The following NEB variants were observed in gnomAD, a reference collection of about 807,000 sequenced individuals.
NEB encodes nebulin.
Under a neutral mutation model 952.2 loss-of-function variants are expected in NEB, and 512 were observed. The observed-to-expected ratio is 0.54, with a 90% confidence interval of 0.50 to 0.58. The LOEUF (loss-of-function observed/expected upper bound fraction) is 0.58. Ranked by LOEUF, NEB falls within the 20% of genes least tolerant of loss-of-function variation. The pLI is 0.00. For missense variants in NEB, 8,428 were observed against 9,231.1 expected, an observed-to-expected ratio of 0.91 and a Z score of 3.56; for synonymous variants, 2,900 against 3,149.8, an observed-to-expected ratio of 0.92 and a Z score of 2.66.
intron 84 of NEB, among the ~76,000 whole-genome samples, chr2:151,605,726 A>G (rs143625642): frequency 0.011 from 1,015 of 88,820 alleles, 198 homozygotes; most frequent in African/African-American, 0.029. Flanking sequence ...AGAGAAGAAC[A>G]CAGAGAAAGG....
At chr2:151,667,281 A>G (rs1053029350) in intron 40 of NEB, among the ~76,000 whole-genome samples, 2 of 151,924 alleles carry the variant, frequency 1.3e-5, no homozygotes, top group South Asian at 2.1e-4. Flanking sequence ...GACTTTTTTC[A>G]TGACAAAATC....
rs772377003 is a variant in NEB at position 151,568,731 on chromosome 2, G to C, written c.17536-15C>G. ...CGATATTTTTTCTATGGGAAAGAAA[G>C]CATCTTTTAGATAGTTGTAATTCCT... is the stretch of plus-strand genomic sequence containing the variant. On this transcript the variant is annotated splice_polypyrimidine_tract_variant and intron_variant, in intron 110 of 181. Transcript: ENST00000397345. The C allele has an allele frequency of 6.5e-7, 1 of 1,531,304 alleles. No homozygotes were observed. The highest frequency in any genetic ancestry group is 2.3e-5 in the East Asian group (1 of 43,006). The allele number at this position is 1,531,304 out of a possible 1,614,324, so 94.9% of individuals were successfully genotyped here. A position where few individuals can be genotyped will look rare whatever the true frequency, so the allele number is the denominator to read the frequency against.
intron 156 of NEB, among the ~76,000 whole-genome samples, chr2:151,517,962 C>T (rs897814866): frequency 6.6e-6 from 1 of 152,102 alleles, no homozygotes; most frequent in Admixed American, 6.5e-5. Context: ...GATCGTATCA[C>T]TTCTCTGTTT....
At chr2:151,532,839 C>A (rs989323295) in intron 143 of NEB, among the ~76,000 whole-genome samples, 8 of 152,036 alleles carry the variant, frequency 5.3e-5, no homozygotes, top group African/African-American at 1.9e-4. Context: ...TCAAATTTAC[C>A]TTTCAGCATG....
At position 151,541,549 on chromosome 2, in the gene NEB, C is replaced by T. The variant is rs1417024507; in HGVS notation, c.20580G>A (p.Leu6860=). The T allele has an allele frequency of 6.2e-7, 1 of 1,612,144 alleles. No homozygotes were observed. The highest frequency in any genetic ancestry group is 8.5e-7 in the Non-Finnish European group (1 of 1,178,498). The change falls in exon 136 of 182, where the codon CTG becomes CTA. Residue 6860 remains leucine, a splice_region_variant and synonymous_variant. Transcript: ENST00000397345. ...GCTTCTTGCCTGCAGCTCTGTAGAC[C>T]AGCTAGACATAAACCAAGTTATCAC... is the stretch of plus-strand genomic sequence containing the variant. The part of the protein sequence containing the change: ...VQELKTHLSE[L]VYRAAGKKQK...
intron 4 of NEB, among the ~76,000 whole-genome samples, chr2:151,728,293 AC>A (rs1277460001): frequency 6.6e-6 from 1 of 152,214 alleles, no homozygotes; most frequent in Non-Finnish European, 1.5e-5. Flanking sequence ...AGTTCGGGGA[AC>A]AAAAGGTTAA....
intron 146 of NEB, 78 bp downstream of exon 146, chr2:151,529,132 G>T (rs755867355): frequency 1.1e-6 from 1 of 925,298 alleles, no homozygotes; most frequent in Non-Finnish European, 1.8e-6. Flanking sequence ...ATTGCCTGAA[G>T]AGATGTAAAA....
chr2:151,617,145 C>A (rs1224173659), intron 75 of NEB, among the ~76,000 whole-genome samples: 1 of 152,162 alleles, frequency 6.6e-6, no homozygotes, highest in East Asian at 1.9e-4. Flanking sequence ...AATATTTATT[C>A]ATAATCATTC....
intron 20 of NEB, 109 bp downstream of exon 20, chr2:151,694,214 G>A (rs1215001241): frequency 2.1e-6 from 2 of 948,516 alleles, no homozygotes; most frequent in African/African-American, 1.6e-5. Context: ...TGTGTGATTT[G>A]TCATCTTGAA....
At chr2:151,507,140 G>A in intron 162 of NEB, 127 bp from the exon 163 acceptor site, 1 of 609,590 alleles carries the variant, frequency 1.6e-6, no homozygotes, top group Non-Finnish European at 2.8e-6. Flanking sequence ...CAATAATTAT[G>A]GTCTGGTAGC....
At chr2:151,546,309 G>T (rs768142910) in intron 134 of NEB, 36 bp downstream of exon 134, 1 of 1,515,190 alleles carries the variant, frequency 6.6e-7, no homozygotes, top group Non-Finnish European at 9.1e-7. Context: ...CCAGCTGTGC[G>T]GGGGGTAATT....
intron 10 of NEB, among the ~76,000 whole-genome samples, chr2:151,716,394 C>T (rs1034513169): frequency 3.3e-5 from 5 of 152,144 alleles, no homozygotes; most frequent in African/African-American, 1.2e-4. Context: ...ACCTTGGCCT[C>T]CCAAAGTGCT....
intron 124 of NEB, among the ~76,000 whole-genome samples, chr2:151,557,082 G>GT (rs1437477222): frequency 2.0e-5 from 3 of 152,014 alleles, no homozygotes; most frequent in East Asian, 3.9e-4. Context: ...TCCAGGAGCT[G>GT]TTTTTTTGAA....
chr2:151,684,673 A>C, intron 28 of NEB, 105 bp downstream of exon 28: 1 of 1,104,672 alleles, frequency 9.1e-7, no homozygotes, highest in Non-Finnish European at 1.3e-6. Context: ...CATACATAGG[A>C]CAATGCAGAT....
chr2:151,664,592 C>A lies in NEB; in HGVS notation c.5360G>T (p.Gly1787Val), dbSNP rs376693617. ...TCCTTTCTTCTTTTCCTCTTCCCAG[C>A]CAGCTTTGTACAGTTTCTAAACAAT... is the stretch of plus-strand genomic sequence containing the variant. The part of the protein sequence containing the change: ...ITMSDKLYKA[G>V]WEEEKKKGYD... Residue 1787 changes from glycine (G) to valine (V), a missense_variant, in exon 44 of 182, where the codon GGC becomes GTC. Physicochemically the swap from Gly to Val is moderately radical, Grantham distance 109. Around this residue, in one of 11 missense-constraint regions of NEB, gnomAD observed 2,851 missense variants for 2,791.5 expected, o/e 1.02. Transcript: ENST00000397345. 4.4e-6 allele frequency: 7 copies of A among 1,605,882 alleles called. No homozygotes were observed. In the Middle Eastern group the frequency reaches 5.0e-4, roughly 114 times the overall value.
chr2:151,627,853 T>C lies in NEB; in HGVS notation c.9832-19A>G. ...ATTTGTACTGAAATAAAGGTGGTCA[T>C]TTCAAAAATAAAAATGAATAGAAAG... On this transcript the variant is annotated intron_variant, in intron 68 of 181. Transcript: ENST00000397345. 1.3e-6 allele frequency: 2 copies of C among 1,598,964 alleles called. No individual in the cohort carries two copies. Among genetic ancestry groups the C allele is most frequent in the Non-Finnish European group, 1.7e-6 (2 of 1,170,464 alleles).
At position 151,680,816 on chromosome 2, in the gene NEB, G is replaced by C; in HGVS notation, c.2956C>G (p.Gln986Glu). ...GTAAACTTGAGGGTGTCTGGATGTT[G>C]GCGATATTTTTTCTGTTTGGCAAAT... ...SDILNEKKYR[Q>E]HPDTLKFTSI... Residue 986 changes from glutamine (Q) to glutamate (E), a missense_variant, in exon 30 of 182, where the codon CAA (glutamine) becomes GAA (glutamate). Gln to Glu is a conservative substitution (Grantham distance 29). This residue lies in a region of NEB where 2,851 missense variants were observed against 2,791.5 expected (regional missense o/e 1.02). Coordinates refer to ENST00000397345, the MANE Select transcript of NEB (RefSeq NM_001164508.2). The C allele has an allele frequency of 1.2e-6, 2 of 1,612,268 alleles. No homozygotes were observed. The highest frequency in any genetic ancestry group is 1.7e-4 in the Middle Eastern group (1 of 6,052).
intron 35 of NEB, among the ~76,000 whole-genome samples, chr2:151,675,083 G>A (rs1464514802): frequency 6.6e-6 from 1 of 152,170 alleles, no homozygotes; most frequent in Non-Finnish European, 1.5e-5. Context: ...CCCCTAAATA[G>A]AGAAGAATGT....
chr2:151,541,526 T>G lies in NEB; in HGVS notation c.20603A>C (p.Lys6868Thr). Reference protein sequence around the residue: ...SELVYRAAGKKQKSIFTSVPD... With the variant: ...SELVYRAAGKTQKSIFTSVPD... ...AACTGAAGTAAAGATTGACTTCTGC[T>G]TCTTGCCTGCAGCTCTGTAGACCAG... Residue 6868 changes from lysine (K) to threonine (T), a missense_variant, in exon 136 of 182, where the codon AAG (lysine) becomes ACG (threonine). By Grantham distance (78) the Lys-to-Thr change is moderately conservative (BLOSUM62 -1). Coordinates refer to ENST00000397345, the MANE Select transcript of NEB (RefSeq NM_001164508.2). The G allele has an allele frequency of 6.2e-7, 1 of 1,613,562 alleles. No individual in the cohort carries two copies. Among genetic ancestry groups the G allele is most frequent in the South Asian group, 1.1e-5 (1 of 91,040 alleles).
Sources: gnomAD v4.1 joint callset for allele counts (sites outside exome capture counted in the v4.1 genomes callset) on GRCh38, gnomAD v4.1.1 for gene constraint, gnomAD v4.1.1 regional missense constraint, MANE v1.5 for transcripts, NCBI Gene and HGNC (gene_info 2026-07-23, HGNC 2026-07-21) for gene names.